NRG1: variants seen among roughly 807,000 people sequenced by gnomAD.
NRG1 encodes the protein pro-neuregulin-1, membrane-bound isoform.
A neutral mutation model predicts 63.8 loss-of-function variants in NRG1; 18 were observed. The observed-to-expected ratio is 0.28, with a 90% CI of 0.19 to 0.42. NRG1 has a LOEUF of 0.42. Ranked by LOEUF, NRG1 falls within the 10% of genes least tolerant of loss-of-function variation. The probability of loss-of-function intolerance (pLI) is 1.00; values close to 1 mark genes in which losing one functional copy is unlikely to be tolerated. For synonymous variants in NRG1, 302 were observed against 301.3 expected, an observed-to-expected ratio of 1.00 and a Z score of -0.02; for missense variants, 762 against 814.7, an observed-to-expected ratio of 0.94 and a Z score of 0.79.
chr8:31,864,314 A>G (rs67883841), intron 1 of NRG1, among the ~76,000 whole-genome samples: 37,039 of 152,074 alleles, frequency 0.24, 5,805 homozygotes, highest in East Asian at 0.69. Context: ...CTCTTAGTGC[A>G]GTAGAGACAC....
intron 1 of NRG1, among the ~76,000 whole-genome samples, chr8:31,823,062 A>T (rs1443276361): frequency 1.3e-5 from 2 of 151,572 alleles, no homozygotes; most frequent in Non-Finnish European, 2.9e-5. Context: ...TTATGACCAA[A>T]GGTATGTGTG....
intron 1 of NRG1, among the ~76,000 whole-genome samples, chr8:31,862,232 C>A (rs1224244018): frequency 6.6e-6 from 1 of 152,258 alleles, no homozygotes; most frequent in South Asian, 2.1e-4. Flanking sequence ...CTTAAGTTAT[C>A]ACTTGTGTGT....
chr8:31,818,848 G>C (rs1299152306), intron 1 of NRG1, among the ~76,000 whole-genome samples: 33 of 152,108 alleles, frequency 2.2e-4, no homozygotes, highest in Admixed American at 1.6e-3. Flanking sequence ...ACGAGGTCAG[G>C]ATATCGAGAC....
upstream of NRG1, chr8:32,548,181 G>A (rs543246589): frequency 3.1e-6 from 3 of 969,746 alleles, no homozygotes; most frequent in South Asian, 4.8e-5. Context: ...GCCTCGGGGT[G>A]GGGGTGTGGT....
chr8:32,585,152 T>A (rs1841373583), intron 1 of NRG1, among the ~76,000 whole-genome samples: 1 of 152,164 alleles, frequency 6.6e-6, no homozygotes, highest in African/African-American at 2.4e-5. Context: ...GTTTCTCAGT[T>A]TTTCTGTTTA....
chr8:32,339,326 T>C (rs948762912), intron 1 of NRG1, among the ~76,000 whole-genome samples: 2 of 152,176 alleles, frequency 1.3e-5, no homozygotes, highest in African/African-American at 2.4e-5. Context: ...CCTTTGCCCC[T>C]AAACCCCAAA....
Position 32,743,270 on chromosome 8 carries a change from A to T in NRG1, c.691+537A>T, listed in dbSNP as rs985140097. 111 of 964,374 alleles carry T rather than the reference A, an allele frequency of 1.2e-4. 1 individual carries two copies. The highest frequency in any genetic ancestry group is 4.3e-5 in the Non-Finnish European group (35 of 811,036). 59.7% of individuals were successfully genotyped at this position (964,374 alleles called of 1,614,324 possible). A position where few individuals can be genotyped will look rare whatever the true frequency, so the allele number is the denominator to read the frequency against. On this transcript the variant is annotated intron_variant, in intron 7 of 11. Coordinates refer to ENST00000356819, the Ensembl canonical transcript of NRG1. ...TTAACCAAACAGTTTGCATTGAGGC[A>T]TTTTTTTAAAAAAGCATCAAGTAGG...
intron 1 of NRG1, among the ~76,000 whole-genome samples, chr8:31,872,793 T>C (rs1481504471): frequency 1.3e-5 from 2 of 152,204 alleles, no homozygotes; most frequent in African/African-American, 4.8e-5. Context: ...TATGTAAACT[T>C]GGGATGACAA....
intron 5 of NRG1, among the ~76,000 whole-genome samples, chr8:32,671,393 A>G (rs2439317): frequency 0.81 from 122,813 of 152,080 alleles, 51,038 homozygotes; most frequent in East Asian, 1. Flanking sequence ...CAGGTATCTC[A>G]CATCAGAGAG....
At chr8:32,426,783 A>G (rs922609569) in intron 1 of NRG1, among the ~76,000 whole-genome samples, 1 of 152,194 alleles carries the variant, frequency 6.6e-6, no homozygotes, top group African/African-American at 2.4e-5. Flanking sequence ...AAAGATAGTG[A>G]CATTGCTATG....
intron 1 of NRG1, among the ~76,000 whole-genome samples, chr8:32,110,631 AG>A (rs1831889388): frequency 6.6e-6 from 1 of 152,148 alleles, no homozygotes; most frequent in Non-Finnish European, 1.5e-5. Flanking sequence ...CTGTTACAAT[AG>A]AATCAAATAG....
At chr8:32,197,894 A>T (rs1267739864) in intron 1 of NRG1, among the ~76,000 whole-genome samples, 2 of 152,142 alleles carry the variant, frequency 1.3e-5, no homozygotes, top group Non-Finnish European at 2.9e-5. Flanking sequence ...GTCTTAGGTA[A>T]AAATTGTCAC....
intron 1 of NRG1, among the ~76,000 whole-genome samples, chr8:32,184,928 G>A (rs1841818771): frequency 6.6e-6 from 1 of 152,154 alleles, no homozygotes; most frequent in Admixed American, 6.5e-5. Context: ...GGACTTGGTA[G>A]CATCAAGGGA....
chr8:32,469,325 G>A (rs1002463008), intron 1 of NRG1, among the ~76,000 whole-genome samples: 3 of 152,206 alleles, frequency 2.0e-5, no homozygotes, highest in Non-Finnish European at 4.4e-5. Flanking sequence ...CAGTGAAGTG[G>A]ATGAAGCAAG....
chr8:32,700,526 G>T (rs971396647), intron 5 of NRG1, among the ~76,000 whole-genome samples: 5 of 152,054 alleles, frequency 3.3e-5, no homozygotes, highest in African/African-American at 1.2e-4. Flanking sequence ...TTAAAAATAT[G>T]CATCCTTTTA....
At chr8:31,915,892 T>G (rs1030606953) in intron 1 of NRG1, among the ~76,000 whole-genome samples, 3 of 152,144 alleles carry the variant, frequency 2.0e-5, no homozygotes, top group Non-Finnish European at 2.9e-5. Context: ...AATTATTTTT[T>G]AAGAAACATG....
intron 1 of NRG1, among the ~76,000 whole-genome samples, chr8:31,669,879 A>G (rs1806944553): frequency 6.6e-6 from 1 of 152,066 alleles, no homozygotes; most frequent in South Asian, 2.1e-4. Flanking sequence ...TGGTCACATG[A>G]GGATTGGGTG....
chr8:32,670,186 C>T (rs1443812411), intron 5 of NRG1, among the ~76,000 whole-genome samples: 2 of 152,146 alleles, frequency 1.3e-5, no homozygotes, highest in Non-Finnish European at 2.9e-5. Context: ...TGTTATGCTA[C>T]AGGACTTCAG....
chr8:32,163,088 G>A (rs1839013614), intron 1 of NRG1, among the ~76,000 whole-genome samples: 1 of 152,194 alleles, frequency 6.6e-6, no homozygotes. Flanking sequence ...AGATGTGGAA[G>A]GATCAATGAA....
Sources: gnomAD v4.1 joint callset for allele counts (sites outside exome capture counted in the v4.1 genomes callset) on GRCh38, gnomAD v4.1.1 for gene constraint, MANE v1.5 for transcripts, NCBI Gene and HGNC (gene_info 2026-07-23, HGNC 2026-07-21) for gene names.